Variants in LSG1 observed in about 807,000 individuals in gnomAD.
LSG1 encodes the protein large subunit GTPase 1 homolog.
Under a neutral mutation model 82.6 loss-of-function variants are expected in LSG1, and 55 were observed. The observed-to-expected ratio is 0.67, with a 90% confidence interval of 0.54 to 0.83. The LOEUF (loss-of-function observed/expected upper bound fraction) is 0.83, where lower values mean the gene tolerates loss of function less well. Among genes scored for constraint, LSG1 ranks in the 40% least tolerant of loss-of-function variants. The pLI is 0.00. For missense variants in LSG1, 809 were observed against 807.9 expected (o/e 1.00, Z -0.02); for synonymous variants, 272 against 282.5 (o/e 0.96, Z 0.37).
Position 194,653,046 on chromosome 3 carries a change from G to C in LSG1, c.856C>G (p.Leu286Val). 6.2e-7 allele frequency: 1 copy of C among 1,614,212 alleles called. No individual in the cohort carries two copies. The highest frequency in any genetic ancestry group is 1.1e-5 in the South Asian group (1 of 91,084). The change falls in exon 8 of 14, where the codon CTC becomes GTC. Residue 286 changes from leucine to valine, a missense_variant. By Grantham distance (32) the Leu-to-Val change is conservative. Transcript: ENST00000265245. ...AEISHSESEHLPARDSPSLSE... is the reference protein window; with the variant it reads ...AEISHSESEHVPARDSPSLSE... ...AGTGAAGGAGAATCCCTAGCTGGGAGATGTTCGGATTCACTGTGGGAAATT... is the reference window on the plus strand; with the variant it reads ...AGTGAAGGAGAATCCCTAGCTGGGACATGTTCGGATTCACTGTGGGAAATT...
intron 13 of LSG1, among the ~76,000 whole-genome samples, 191 bp downstream of exon 13, chr3:194,644,382 A>T (rs1264840017): frequency 7.3e-5 from 5 of 68,058 alleles, no homozygotes; most frequent in African/African-American, 1.5e-4. Context: ...AAAAAAAAAT[A>T]AAAATAAATA....
intron 12 of LSG1, 116 bp from the exon 13 acceptor site, chr3:194,644,862 CTG>C: frequency 1.3e-6 from 1 of 766,204 alleles, no homozygotes; most frequent in South Asian, 3.6e-5. Context: ...GTTAAGTTAG[CTG>C]AGTTGAGTTT....
intron 2 of LSG1, among the ~76,000 whole-genome samples, chr3:194,666,910 A>G (rs1719041236): frequency 6.6e-6 from 1 of 152,170 alleles, no homozygotes; most frequent in Non-Finnish European, 1.5e-5. Flanking sequence ...CTGCAGCTCT[A>G]ACCCCCACTC....
At chr3:194,653,271 T>C in intron 7 of LSG1, 129 bp from the exon 8 acceptor site, 1 of 919,830 alleles carries the variant, frequency 1.1e-6, no homozygotes. Context: ...TCCCAGCACT[T>C]TGGGAGGCCA....
intron 5 of LSG1, among the ~76,000 whole-genome samples, chr3:194,662,941 G>T (rs996634775): frequency 1.5e-4 from 23 of 152,180 alleles, no homozygotes; most frequent in African/African-American, 5.6e-4. Flanking sequence ...AACCGGCTTT[G>T]TAATGCTTTG....
chr3:194,653,695 G>A (rs1625776), intron 7 of LSG1, among the ~76,000 whole-genome samples: 93,282 of 152,038 alleles, frequency 0.61, 30,241 homozygotes, highest in East Asian at 0.87. Flanking sequence ...ATATGTTTCT[G>A]TACTATTTGA....
chr3:194,655,103 C>T (rs551672218), intron 7 of LSG1, among the ~76,000 whole-genome samples: 10 of 152,246 alleles, frequency 6.6e-5, no homozygotes, highest in Admixed American at 2.6e-4. Context: ...GTCCAGAAAA[C>T]TTGGGAGAAG....
Position 194,658,979 on chromosome 3 carries a change from A to C in LSG1, c.737T>G (p.Ile246Ser). The C allele has an allele frequency of 3.1e-6, 5 of 1,614,050 alleles. No individual in the cohort carries two copies. The highest frequency in any genetic ancestry group is 4.2e-6 in the Non-Finnish European group (5 of 1,179,928). Residue 246 changes from isoleucine to serine, a missense_variant, in exon 7 of 14, where the codon ATT becomes AGT. Coordinates refer to ENST00000265245, the MANE Select transcript of LSG1 (RefSeq NM_018385.3). Reference sequence around the variant, plus strand: ...TACCTCAGAGTCACCATTCAGGGGAATGGCTCCGGCCAAAGCTGACCAGAA... The same window carrying C: ...TACCTCAGAGTCACCATTCAGGGGACTGGCTCCGGCCAAAGCTGACCAGAA... ...VIFWSALAGA[I>S]PLNGDSEEEA...
chr3:194,641,677 A>T lies in LSG1; in HGVS notation c.*391T>A, dbSNP rs1266233912. ...CGCCCAGGCTGGAGTGCAGCGGCGC[A>T]ATCTCCATTCACTGCAAACTCTGCC... On this transcript the variant is annotated 3_prime_UTR_variant, in exon 14 of 14. Transcript: ENST00000265245. The T allele has an allele frequency of 6.4e-6, 1 of 156,906 alleles. No individual in the cohort carries two copies. The highest frequency in any genetic ancestry group is 1.8e-4 in the East Asian group (1 of 5,440). 9.7% of individuals were successfully genotyped at this position (156,906 alleles called of 1,614,324 possible).
chr3:194,671,962 CTGAGGCG>C (rs1201074666), intron 1 of LSG1, 95 bp downstream of exon 1: 18 of 1,058,742 alleles, frequency 1.7e-5, no homozygotes, highest in Non-Finnish European at 2.6e-5. Context: ...CAAAACCCGG[CTGAGGCG>C]TCCCTCCTGC....
rs779243389 is a variant in LSG1, at chr3:194,659,105, T to C, written c.611A>G (p.Asn204Ser). 2.5e-6 allele frequency: 4 copies of C among 1,613,588 alleles called. No individual in the cohort carries two copies. The highest frequency in any genetic ancestry group is 2.7e-5 in the African/African-American group (2 of 74,944). Residue 204 changes from asparagine (N) to serine (S), a missense_variant, in exon 7 of 14, where the codon AAT (asparagine) becomes AGT (serine). Coordinates refer to ENST00000265245, the MANE Select transcript of LSG1 (RefSeq NM_018385.3). Reference sequence around the variant, plus strand: ...GTTGATCAGAATGACGTTCTCCTTATTGGCATCCATTTCTTTCACATAACA... The same window carrying C: ...GTTGATCAGAATGACGTTCTCCTTACTGGCATCCATTTCTTTCACATAACA... Reference protein sequence around the residue: ...LECYVKEMDANKENVILINKA... With the variant: ...LECYVKEMDASKENVILINKA...
chr3:194,668,367 A>T (rs557773082), intron 2 of LSG1, among the ~76,000 whole-genome samples: 1 of 152,276 alleles, frequency 6.6e-6, no homozygotes, highest in East Asian at 1.9e-4. Context: ...TTTTTTATAA[A>T]ACAGCTACAC....
At chr3:194,658,849 T>G in intron 7 of LSG1, 108 bp downstream of exon 7, 2 of 1,146,664 alleles carry the variant, frequency 1.7e-6, no homozygotes, top group Non-Finnish European at 2.5e-6. Context: ...GGAAAAACTC[T>G]AATTCCCACA....
intron 13 of LSG1, among the ~76,000 whole-genome samples, 190 bp downstream of exon 13, chr3:194,644,383 A>AAAAAAAT (rs1553844931): frequency 3.8e-5 from 5 of 132,864 alleles, no homozygotes; most frequent in South Asian, 2.3e-4. Flanking sequence ...AAAAAAAATA[A>AAAAAAAT]AAATAAATAA....
intron 2 of LSG1, among the ~76,000 whole-genome samples, chr3:194,667,923 C>CAAAAAAAAAAAAAAAAAAAA (rs1170566137): frequency 7.8e-5 from 1 of 12,842 alleles, no homozygotes; most frequent in Non-Finnish European, 1.3e-4. Context: ...GACTCCGTCT[C>CAAAAAAAAAAAAAAAAAAAA]AAAAAAAAAA....
intron 8 of LSG1, chr3:194,651,551 C>T (rs1263852688): frequency 6.8e-6 from 2 of 295,430 alleles, no homozygotes; most frequent in Non-Finnish European, 1.3e-5. Flanking sequence ...GCATCTTCCA[C>T]ACTGGGTGAG....
intron 13 of LSG1, among the ~76,000 whole-genome samples, chr3:194,642,520 T>C (rs557940672): frequency 2.0e-5 from 3 of 152,242 alleles, no homozygotes; most frequent in Admixed American, 6.5e-5. Flanking sequence ...TTCTGGAAAT[T>C]TGTCTTAATA....
chr3:194,662,639 G>A, intron 5 of LSG1, among the ~76,000 whole-genome samples: 1 of 152,178 alleles, frequency 6.6e-6, no homozygotes, highest in East Asian at 1.9e-4. Flanking sequence ...GCGCGTGCCT[G>A]TAATCCCAGC....
At chr3:194,661,516 TG>T (rs993792038) in intron 5 of LSG1, among the ~76,000 whole-genome samples, 1 of 152,210 alleles carries the variant, frequency 6.6e-6, no homozygotes, top group African/African-American at 2.4e-5. Context: ...CACAGCACAA[TG>T]GAAGTGCCTT....
Sources: allele counts gnomAD v4.1 joint callset (sites outside exome capture counted in the v4.1 genomes callset), GRCh38; gene constraint gnomAD v4.1.1; transcripts MANE v1.5; gene names NCBI Gene and HGNC (gene_info 2026-07-23, HGNC 2026-07-21).